KLHL29: variants seen among roughly 807,000 people sequenced by gnomAD.
KLHL29 encodes the protein kelch-like protein 29.
In KLHL29, 21 loss-of-function variants were observed where a neutral mutation model predicts 80.4. The observed-to-expected ratio is 0.26, with a 90% CI of 0.19 to 0.38. The LOEUF is 0.38. KLHL29 is among the 10% of genes least tolerant of loss of function. KLHL29 has a pLI of 1.00. For missense variants in KLHL29, 867 were observed against 1,223.9 expected, an observed-to-expected ratio of 0.71 and a Z score of 4.35; for synonymous variants, 511 against 526.8, an observed-to-expected ratio of 0.97 and a Z score of 0.41.
chr2:23,453,040 C>T (rs929491177), intron 1 of KLHL29, among the ~76,000 whole-genome samples: 18 of 151,970 alleles, frequency 1.2e-4, no homozygotes, highest in African/African-American at 4.3e-4. Context: ...TTTGCCTCCC[C>T]TGAGAGACCG....
intron 2 of KLHL29, among the ~76,000 whole-genome samples, chr2:23,495,642 A>G (rs1046657167): frequency 2.0e-5 from 3 of 151,998 alleles, no homozygotes; most frequent in African/African-American, 7.2e-5. Context: ...TCAAGCCTGC[A>G]CCGTACCCAC....
intron 1 of KLHL29, among the ~76,000 whole-genome samples, chr2:23,398,530 G>T (rs1007937038): frequency 6.6e-6 from 1 of 152,230 alleles, no homozygotes; most frequent in Admixed American, 6.5e-5. Flanking sequence ...GAGATAGATG[G>T]TGGAGAAGGT....
chr2:23,574,313 G>A (rs540068941), intron 3 of KLHL29, among the ~76,000 whole-genome samples: 20 of 152,302 alleles, frequency 1.3e-4, no homozygotes, highest in African/African-American at 4.6e-4. Context: ...GCTGGAGTCA[G>A]GAGGTGGCGG....
intron 2 of KLHL29, among the ~76,000 whole-genome samples, chr2:23,540,840 C>A (rs575001572): frequency 2.0e-5 from 3 of 152,338 alleles, no homozygotes; most frequent in Admixed American, 2.0e-4. Flanking sequence ...CAGGAGTAGG[C>A]CCTGCTTACA....
chr2:23,550,077 A>G (rs1259087353), intron 2 of KLHL29, among the ~76,000 whole-genome samples: 2 of 152,012 alleles, frequency 1.3e-5, no homozygotes, highest in African/African-American at 2.4e-5. Context: ...TTTCCGTTTT[A>G]TGGCTGTGCC....
At chr2:23,415,790 C>A (rs892262371) in intron 1 of KLHL29, among the ~76,000 whole-genome samples, 2 of 152,088 alleles carry the variant, frequency 1.3e-5, no homozygotes, top group East Asian at 3.8e-4. Flanking sequence ...CCTTAACCTC[C>A]TGGGCTCAGG....
chr2:23,690,682 C>T (rs557603106), intron 6 of KLHL29: 2 of 152,362 alleles, frequency 1.3e-5, no homozygotes, highest in South Asian at 2.1e-4. Context: ...GCGGGGCCGC[C>T]TCCGGACTCC....
At chr2:23,476,938 G>A (rs1276066210) in intron 2 of KLHL29, among the ~76,000 whole-genome samples, 1 of 152,250 alleles carries the variant, frequency 6.6e-6, no homozygotes, top group Non-Finnish European at 1.5e-5. Flanking sequence ...GCCTGGAGCT[G>A]GAGTTGACAA....
chr2:23,654,635 C>G (rs927872317), intron 5 of KLHL29, among the ~76,000 whole-genome samples: 4 of 120,058 alleles, frequency 3.3e-5, no homozygotes, highest in African/African-American at 1.1e-4. Flanking sequence ...AGTGCCATTC[C>G]AGGGAAGCCG....
chr2:23,472,069 A>T (rs17045420), intron 1 of KLHL29, among the ~76,000 whole-genome samples: 1 of 138,930 alleles, frequency 7.2e-6, no homozygotes, highest in Non-Finnish European at 1.5e-5. Context: ...GATGGGTGCT[A>T]TGGACCAGAG....
chr2:23,572,589 AATTT>A (rs1667741010), intron 3 of KLHL29, among the ~76,000 whole-genome samples: 1 of 152,194 alleles, frequency 6.6e-6, no homozygotes, highest in African/African-American at 2.4e-5. Context: ...AATATTTATT[AATTT>A]ATTTAGCCAC....
At position 23,682,849 on chromosome 2, in the gene KLHL29, C is replaced by T. The variant is rs1460900301; in HGVS notation, c.941-1550C>T. On this transcript the variant is annotated intron_variant, in intron 5 of 13. Transcript: ENST00000486442. This position sits in a 1 kb window ranked among gnomAD's most constrained non-coding sequence, Gnocchi z 4.1. ...CCCCTGGAGATGCTCTGCTGTGACT[C>T]CAGACTCAGTGTGACTTGGGGTTGG... is the stretch of plus-strand genomic sequence containing the variant. Among the ~76,000 whole-genome samples the T allele has an allele frequency of 6.6e-6, 1 of 152,064 alleles. No homozygotes were observed. Among genetic ancestry groups the T allele is most frequent in the Non-Finnish European group, 1.5e-5 (1 of 68,030 alleles).
chr2:23,422,709 C>T (rs1419958459), intron 1 of KLHL29, among the ~76,000 whole-genome samples: 3 of 145,674 alleles, frequency 2.1e-5, no homozygotes, highest in African/African-American at 5.2e-5. Context: ...TCATGCGGTC[C>T]GCCTGTGCAG....
At chr2:23,525,733 CCCCCCA>C (rs11279285) in intron 2 of KLHL29, among the ~76,000 whole-genome samples, 71,833 of 129,306 alleles carry the variant, frequency 0.56, 19,428 homozygotes, top group East Asian at 0.61. Context: ...CCTGCCCCCC[CCCCCCA>C]CCCGAGGCGA....
intron 1 of KLHL29, among the ~76,000 whole-genome samples, chr2:23,431,389 A>C (rs150186898): frequency 8.1e-4 from 123 of 152,292 alleles, no homozygotes; most frequent in African/African-American, 2.8e-3. Context: ...ATTATCTAAC[A>C]AGTGTATTTT....
chr2:23,481,388 C>A (rs1186243005), intron 2 of KLHL29, among the ~76,000 whole-genome samples: 1 of 152,206 alleles, frequency 6.6e-6, no homozygotes, highest in Non-Finnish European at 1.5e-5. Context: ...CCTTTTAAGT[C>A]CCCTGCAATC....
chr2:23,589,181 C>T (rs1668193736), intron 3 of KLHL29, among the ~76,000 whole-genome samples: 1 of 152,262 alleles, frequency 6.6e-6, no homozygotes. Context: ...GCGGCCTTTG[C>T]GCCCCGTTCC....
At chr2:23,518,590 A>C (rs1008904935) in intron 2 of KLHL29, among the ~76,000 whole-genome samples, 2 of 152,082 alleles carry the variant, frequency 1.3e-5, no homozygotes, top group African/African-American at 4.8e-5. Flanking sequence ...GGCTCTGTGC[A>C]CCTTCTCCAT....
intron 1 of KLHL29, among the ~76,000 whole-genome samples, chr2:23,403,022 T>C (rs941581986): frequency 2.0e-5 from 3 of 149,626 alleles, no homozygotes; most frequent in African/African-American, 7.6e-5. Context: ...ATATATATAG[T>C]GTACACTATA....
Sources: allele counts gnomAD v4.1 joint callset (sites outside exome capture counted in the v4.1 genomes callset), GRCh38; gene constraint gnomAD v4.1.1; non-coding constraint Gnocchi (gnomAD v3.1); transcripts MANE v1.5; gene names NCBI Gene and HGNC (gene_info 2026-07-23, HGNC 2026-07-21).